MACF1: variants seen among roughly 807,000 people sequenced by gnomAD.
The protein encoded by MACF1 is microtubule-actin cross-linking factor 1.
A neutral mutation model predicts 854.8 loss-of-function variants in MACF1; 193 were observed. The ratio of observed to expected loss-of-function variants is 0.23; its 90% CI spans 0.20 to 0.25. The LOEUF (loss-of-function observed/expected upper bound fraction) is 0.25, where lower values mean the gene tolerates loss of function less well. Among genes scored for constraint, MACF1 ranks in the 10% least tolerant of loss-of-function variants. The probability of loss-of-function intolerance (pLI) is 1.00; values close to 1 mark genes in which losing one functional copy is unlikely to be tolerated. For synonymous variants in MACF1, 3,185 were observed against 3,226.7 expected, an observed-to-expected ratio of 0.99 and a Z score of 0.44; for missense variants, 7,722 against 8,929.1, an observed-to-expected ratio of 0.86 and a Z score of 5.45.
chr1:39,186,866 T>C (rs1029311088), intron 2 of MACF1, among the ~76,000 whole-genome samples: 1 of 152,044 alleles, frequency 6.6e-6, no homozygotes, highest in Non-Finnish European at 1.5e-5. Context: ...TACCTTGGCC[T>C]CCCAGAGTGC....
At chr1:39,296,058 G>C (rs1418312274) in intron 20 of MACF1, among the ~76,000 whole-genome samples, 176 bp downstream of exon 20, 1 of 152,202 alleles carries the variant, frequency 6.6e-6, no homozygotes, top group Non-Finnish European at 1.5e-5. Flanking sequence ...GTTTGGGCAG[G>C]GCTCAGCTAA....
At position 39,154,301 on chromosome 1, in the gene MACF1, C is replaced by T. The variant is rs546731493; in HGVS notation, c.220+69863C>T. The T allele has an allele frequency of 2.7e-3, 418 of 152,316 alleles. 1 individual carries two copies. The highest frequency in any genetic ancestry group is 4.4e-3 in the Non-Finnish European group (299 of 68,122). The allele number at this position is 152,316 out of a possible 1,614,324, so 9.4% of individuals were successfully genotyped here. A position where few individuals can be genotyped will look rare whatever the true frequency, so the allele number is the denominator to read the frequency against. On this transcript the variant is annotated intron_variant, in intron 2 of 93. Transcript: ENST00000361689. ...CAGGGTGGTATGGCCGTGGACGAGA[C>T]ACTGCCATATTTTTTTCGTCCTGCT... is the stretch of plus-strand genomic sequence containing the variant.
At chr1:39,319,516 G>A (rs1284476032) in intron 30 of MACF1, 148 bp from the exon 31 acceptor site, 9 of 517,488 alleles carry the variant, frequency 1.7e-5, no homozygotes, top group Non-Finnish European at 3.1e-5. Context: ...CTCTGGAGGT[G>A]AGGCCCAGCA....
intron 58 of MACF1, among the ~76,000 whole-genome samples, chr1:39,406,402 A>C (rs1224049865): frequency 6.6e-6 from 1 of 152,194 alleles, no homozygotes; most frequent in Non-Finnish European, 1.5e-5. Context: ...GTGAGGAAAC[A>C]GTAAAGGAAT....
chr1:39,108,401 A>G (rs1338995954), intron 2 of MACF1, among the ~76,000 whole-genome samples: 1 of 152,102 alleles, frequency 6.6e-6, no homozygotes, highest in Non-Finnish European at 1.5e-5. Flanking sequence ...AGTAGTTGTC[A>G]TACTGTGATA....
intron 58 of MACF1, chr1:39,411,845 G>A (rs749839429): frequency 6.2e-7 from 1 of 1,613,832 alleles, no homozygotes; most frequent in South Asian, 1.1e-5. Flanking sequence ...TTACATGTAA[G>A]GGCAAAAGAT....
At position 39,340,499 on chromosome 1, in the gene MACF1, C is replaced by T; in HGVS notation, c.10216-3C>T. ...TATAGGTAACTCCACTTTATTCCCT[C>T]AGGTATTAGAAAGGGAGTTAAAGGA... On this transcript the variant is annotated splice_region_variant and splice_polypyrimidine_tract_variant and intron_variant, in intron 38 of 100. Coordinates refer to ENST00000564288, the MANE Select transcript of MACF1 (RefSeq NM_001394062.1). The T allele has an allele frequency of 1.2e-6, 2 of 1,605,644 alleles. No individual in the cohort carries two copies. The highest frequency in any genetic ancestry group is 8.5e-7 in the Non-Finnish European group (1 of 1,174,324).
chr1:39,102,066 C>T (rs1642094775), intron 2 of MACF1, among the ~76,000 whole-genome samples: 1 of 151,560 alleles, frequency 6.6e-6, no homozygotes, highest in African/African-American at 2.4e-5. Flanking sequence ...GTCCCAGCTA[C>T]TCGGGAGGCT....
At chr1:39,365,367 C>T (rs965287791) in intron 49 of MACF1, among the ~76,000 whole-genome samples, 1 of 152,178 alleles carries the variant, frequency 6.6e-6, no homozygotes, top group African/African-American at 2.4e-5. Context: ...TGAGCCACCA[C>T]ACCCAGCCCA....
In MACF1 at chr1:39,287,491, A is replaced by C; in HGVS notation, c.1714A>C (p.Ile572Leu). The C allele has an allele frequency of 6.2e-7, 1 of 1,614,192 alleles. No homozygotes were observed. The highest frequency in any genetic ancestry group is 8.5e-7 in the Non-Finnish European group (1 of 1,180,022). Residue 572 changes from isoleucine (I) to leucine (L), a missense_variant, in exon 15 of 101, where the codon ATC becomes CTC. Around this residue, in one of 15 missense-constraint regions of MACF1, gnomAD observed 1,137 missense variants for 1,263.0 expected, o/e 0.90. Coordinates refer to ENST00000564288, the MANE Select transcript of MACF1 (RefSeq NM_001394062.1). ...TATGACTCGGGCTGAACTTGTGGCC[A>C]TCAGCTCCTCTGAAGATGAAGGCAA... ...KPMTRAELVA[I>L]SSSEDEGNLR...
chr1:39,113,681 A>G (rs1473330071), intron 2 of MACF1, among the ~76,000 whole-genome samples: 1 of 152,224 alleles, frequency 6.6e-6, no homozygotes, highest in Non-Finnish European at 1.5e-5. Flanking sequence ...GACTTCCACT[A>G]TAACACAATT....
intron 40 of MACF1, among the ~76,000 whole-genome samples, chr1:39,343,563 T>G (rs1310263790): frequency 6.6e-6 from 1 of 152,230 alleles, no homozygotes; most frequent in Non-Finnish European, 1.5e-5. Flanking sequence ...ATTTCATGCA[T>G]TGGTGCCCTC....
intron 2 of MACF1, among the ~76,000 whole-genome samples, chr1:39,190,823 C>G (rs574274658): frequency 6.6e-6 from 1 of 151,918 alleles, no homozygotes; most frequent in Non-Finnish European, 1.5e-5. Flanking sequence ...GGCGAAACCC[C>G]GTCTCTACTA....
chr1:39,421,843 G>A (rs993227988), intron 58 of MACF1, among the ~76,000 whole-genome samples: 46 of 152,204 alleles, frequency 3.0e-4, no homozygotes, highest in African/African-American at 1.1e-3. Flanking sequence ...GGGAGGCCGA[G>A]GAGGGCGGAT....
At position 39,302,914 on chromosome 1, in the gene MACF1, A is replaced by G. The variant is rs771288087; in HGVS notation, c.2635-10A>G. The G allele has an allele frequency of 2.0e-5, 32 of 1,610,388 alleles. No homozygotes were observed. The highest frequency in any genetic ancestry group is 2.7e-5 in the Non-Finnish European group (32 of 1,176,998). On this transcript the variant is annotated splice_polypyrimidine_tract_variant and intron_variant, in intron 22 of 100. Transcript: ENST00000564288. ...TCCATTAGCAATCACTGGTAAATTT[A>G]TCTCTTCAGATTACTATTTGCAAAA...
At chr1:39,281,781 C>G (rs1203324835) in intron 6 of MACF1, among the ~76,000 whole-genome samples, 1 of 152,186 alleles carries the variant, frequency 6.6e-6, no homozygotes, top group Admixed American at 6.5e-5. Context: ...TTTGCTAAGT[C>G]ATGTTTATTA....
intron 2 of MACF1, among the ~76,000 whole-genome samples, chr1:39,110,317 G>A (rs11580911): frequency 0.12 from 17,933 of 144,468 alleles, 1,135 homozygotes; most frequent in East Asian, 0.14. Flanking sequence ...GCTAACTGCA[G>A]CCTTCACCTC....
At chr1:39,427,312 G>T (rs545509158) in intron 61 of MACF1, 143 bp from the exon 62 acceptor site, 43 of 609,634 alleles carry the variant, frequency 7.1e-5, no homozygotes, top group South Asian at 5.1e-4. Context: ...TTAAAACATC[G>T]AAATGCTACA....
At chr1:39,412,598 A>G (rs775386603) in intron 58 of MACF1, 2 of 1,614,050 alleles carry the variant, frequency 1.2e-6, no homozygotes, top group Non-Finnish European at 1.7e-6. Context: ...GATGGAGTGG[A>G]AACTGTGAAT....
Sources: gnomAD v4.1 joint callset for allele counts (sites outside exome capture counted in the v4.1 genomes callset) on GRCh38, gnomAD v4.1.1 for gene constraint, gnomAD v4.1.1 regional missense constraint, MANE v1.5 for transcripts, NCBI Gene and HGNC (gene_info 2026-07-23, HGNC 2026-07-21) for gene names.